The following BBS9 variants were observed in gnomAD, a reference collection of about 807,000 sequenced individuals.
The protein encoded by BBS9 is protein PTHB1.
A neutral mutation model predicts 117.7 loss-of-function variants in BBS9; 89 were observed. The observed-to-expected ratio is 0.76, with a 90% CI of 0.64 to 0.90. The LOEUF is 0.90. Among genes scored for constraint, BBS9 ranks in the 40% least tolerant of loss-of-function variants. BBS9 has a pLI of 0.00. For synonymous variants in BBS9, 379 were observed against 370.9 expected (o/e 1.02, Z -0.25); for missense variants, 982 against 1,042.2 (o/e 0.94, Z 0.80).
intron 7 of BBS9, 112 bp from the exon 8 acceptor site, chr7:33,272,900 A>G (rs1406344755): frequency 1.9e-6 from 2 of 1,032,568 alleles, no homozygotes; most frequent in Non-Finnish European, 1.5e-6. Context: ...AGATTAGCCC[A>G]TCTTTATATT....
intron 21 of BBS9, among the ~76,000 whole-genome samples, chr7:33,620,398 A>T (rs1050481165): frequency 1.7e-4 from 26 of 152,132 alleles, no homozygotes; most frequent in Non-Finnish European, 1.5e-4. Flanking sequence ...AAAGCAATAA[A>T]TTGAGTAAAG....
Position 33,537,956 on chromosome 7 carries a change from A to G in BBS9, c.2521+3780A>G, listed in dbSNP as rs576705039. On this transcript the variant is annotated intron_variant, in intron 21 of 22. Transcript: ENST00000242067. ...TCTTAAACTTAATTTCAACTAGGTGATGCTTTGCCTAAGAAATAATATAGA... is the reference window on the plus strand; with the variant it reads ...TCTTAAACTTAATTTCAACTAGGTGGTGCTTTGCCTAAGAAATAATATAGA... 1.6e-4 allele frequency among the ~76,000 whole-genome samples: 24 copies of G among 152,332 alleles called. No homozygotes were observed. In the South Asian group the frequency reaches 4.8e-3, roughly 30 times the overall value.
intron 16 of BBS9, among the ~76,000 whole-genome samples, chr7:33,360,890 T>A (rs771908200): frequency 6.6e-6 from 1 of 152,156 alleles, no homozygotes; most frequent in East Asian, 1.9e-4. Context: ...TGGCAGTAGT[T>A]TATGACTGTT....
chr7:33,634,109 G>A (rs1292196762), intron 21 of BBS9, among the ~76,000 whole-genome samples: 3 of 152,192 alleles, frequency 2.0e-5, no homozygotes, highest in South Asian at 2.1e-4. Context: ...ACGCAGGCCC[G>A]TCTCCCATGG....
At chr7:33,508,237 A>G (rs1488105930) in intron 20 of BBS9, among the ~76,000 whole-genome samples, 2 of 152,230 alleles carry the variant, frequency 1.3e-5, no homozygotes, top group African/African-American at 4.8e-5. Flanking sequence ...AAGGAAAAGG[A>G]ACTATGTATC....
chr7:33,470,080 C>T (rs1166927708), intron 19 of BBS9, among the ~76,000 whole-genome samples: 1 of 152,130 alleles, frequency 6.6e-6, no homozygotes, highest in Non-Finnish European at 1.5e-5. Flanking sequence ...GGGTAGAGGC[C>T]ATGTCTTGCT....
intron 19 of BBS9, among the ~76,000 whole-genome samples, chr7:33,477,072 C>T (rs545501653): frequency 6.6e-6 from 1 of 152,288 alleles, no homozygotes; most frequent in South Asian, 2.1e-4. Flanking sequence ...GCCTTGTGGC[C>T]TTGAGCAAAA....
chr7:33,554,001 G>A (rs1368414864), intron 21 of BBS9, among the ~76,000 whole-genome samples: 1 of 152,096 alleles, frequency 6.6e-6, no homozygotes, highest in Admixed American at 6.6e-5. Context: ...GAAGGCTTCT[G>A]TGAGGAGAAG....
chr7:33,327,099 T>C (rs750309281), intron 9 of BBS9, among the ~76,000 whole-genome samples: 3 of 152,116 alleles, frequency 2.0e-5, no homozygotes, highest in Non-Finnish European at 4.4e-5. Flanking sequence ...TCAAATTTAT[T>C]TGGGACCACA....
Position 33,318,364 on chromosome 7 carries a change from G to A in BBS9, c.1017-18077G>A, listed in dbSNP as rs74599085. On this transcript the variant is annotated intron_variant, in intron 9 of 22. Coordinates refer to ENST00000242067, the MANE Select transcript of BBS9 (RefSeq NM_198428.3). ...CTTGAAAGAAGCTTTTACAACATTTGTCCTCTTATAGCTCTGCTCCTCCTT... is the reference window on the plus strand; with the variant it reads ...CTTGAAAGAAGCTTTTACAACATTTATCCTCTTATAGCTCTGCTCCTCCTT... Among the ~76,000 whole-genome samples the A allele has an allele frequency of 7.2e-5, 11 of 152,016 alleles. No homozygotes were observed. In the East Asian group the frequency reaches 1.9e-3, roughly 27 times the overall value.
At position 33,624,066 on chromosome 7, in the gene BBS9, A is replaced by G. The variant is rs569475737; in HGVS notation, c.2522-11111A>G. Among the ~76,000 whole-genome samples the G allele has an allele frequency of 5.3e-4, 81 of 152,282 alleles. 1 individual carries two copies. Among genetic ancestry groups the G allele is most frequent in the African/African-American group, 1.9e-3 (80 of 41,574 alleles). The stretch of plus-strand genomic sequence containing the variant: ...ATAAAAAATTTAAAAACAGAAAACG[A>G]CATGCCTCTAATTTCCCTCATGATT... On this transcript the variant is annotated intron_variant, in intron 21 of 21. Transcript: ENST00000671952.
intron 21 of BBS9, among the ~76,000 whole-genome samples, chr7:33,616,185 ATGT>A (rs1441714940): frequency 7.2e-6 from 1 of 138,988 alleles, no homozygotes; most frequent in Non-Finnish European, 1.5e-5. Context: ...CTAACAGATA[ATGT>A]TTATTCAAAA....
chr7:33,494,902 A>G (rs560133891), intron 19 of BBS9, among the ~76,000 whole-genome samples: 1 of 151,910 alleles, frequency 6.6e-6, no homozygotes, highest in Non-Finnish European at 1.5e-5. Context: ...CCCTAGTTTC[A>G]CTCCATGTGA....
intron 21 of BBS9, among the ~76,000 whole-genome samples, chr7:33,578,695 G>A (rs1446615757): frequency 6.6e-6 from 1 of 152,130 alleles, no homozygotes; most frequent in African/African-American, 2.4e-5. Context: ...TTTCAGGTAG[G>A]AATTTATGCT....
At chr7:33,268,209 G>A (rs1799142254) in intron 7 of BBS9, among the ~76,000 whole-genome samples, 1 of 152,150 alleles carries the variant, frequency 6.6e-6, no homozygotes, top group Admixed American at 6.5e-5. Context: ...TTCTTTCCCT[G>A]GCCTTGTGTG....
rs566920420 is a variant in BBS9 at position 33,150,566 on chromosome 7, G to C, written c.113-2135G>C. On this transcript the variant is annotated intron_variant, in intron 2 of 22. Coordinates refer to ENST00000242067, the MANE Select transcript of BBS9 (RefSeq NM_198428.3). ...GCAAAGTGGCCCTCAAATACTGAAG[G>C]AGCTGAGAACCAAAGATTGAGGCAG... Among the ~76,000 whole-genome samples the C allele has an allele frequency of 2.0e-5, 3 of 152,240 alleles. No homozygotes were observed. The East Asian group carries it at 5.8e-4, about 29-fold the overall frequency.
intron 21 of BBS9, among the ~76,000 whole-genome samples, chr7:33,627,184 G>C (rs1173322398): frequency 6.6e-6 from 1 of 152,236 alleles, no homozygotes; most frequent in Non-Finnish European, 1.5e-5. Flanking sequence ...TCCAGCCCCA[G>C]CTGTGGCTAA....
chr7:33,182,408 C>T (rs1266235972), intron 5 of BBS9, among the ~76,000 whole-genome samples: 1 of 152,164 alleles, frequency 6.6e-6, no homozygotes, highest in Non-Finnish European at 1.5e-5. Flanking sequence ...ATGTGGCTAA[C>T]TCCACATGTC....
At position 33,193,425 on chromosome 7, in the gene BBS9, T is replaced by G. The variant is rs1296422318; in HGVS notation, c.442+15834T>G. On this transcript the variant is annotated intron_variant, in intron 5 of 22. Coordinates refer to ENST00000242067, the MANE Select transcript of BBS9 (RefSeq NM_198428.3). ...CTTCCCCTGTCCCTCTCTCTGCCTT[T>G]TTTTTTTTTTTTTTTTGTAGTATGT... 2.5e-3 allele frequency among the ~76,000 whole-genome samples: 369 copies of G among 149,198 alleles called. 2 individuals are homozygous for G. The highest frequency in any genetic ancestry group is 7.5e-3 in the African/African-American group (307 of 40,868).
Sources: allele counts gnomAD v4.1 joint callset (sites outside exome capture counted in the v4.1 genomes callset), GRCh38; gene constraint gnomAD v4.1.1; transcripts MANE v1.5; gene names NCBI Gene and HGNC (gene_info 2026-07-23, HGNC 2026-07-21).